The following BZW2 variants were observed in gnomAD, a reference collection of about 807,000 sequenced individuals.
BZW2 encodes eIF5-mimic protein 1.
BZW2 carries 23 observed loss-of-function variants against 53.2 expected under a neutral mutation model. The ratio of observed to expected loss-of-function variants is 0.43; its 90% CI spans 0.31 to 0.61. The LOEUF (loss-of-function observed/expected upper bound fraction) is 0.61. BZW2 is among the 20% of genes least tolerant of loss of function. BZW2 has a pLI of 0.09. For missense variants in BZW2, 409 were observed against 503.1 expected (o/e 0.81, Z 1.79); for synonymous variants, 227 against 186.4 (o/e 1.22, Z -1.77).
chr7:16,705,412 A>G (rs142753299), intron 11 of BZW2, among the ~76,000 whole-genome samples: 275 of 151,696 alleles, frequency 1.8e-3, no homozygotes, highest in Middle Eastern at 3.4e-3. Context: ...CAGGCCAGGC[A>G]CGGTGGCTCA....
chr7:16,695,516 G>A (rs1229453627), intron 8 of BZW2, among the ~76,000 whole-genome samples: 1 of 152,158 alleles, frequency 6.6e-6, no homozygotes, highest in Non-Finnish European at 1.5e-5. Context: ...CTCACACTTG[G>A]AAGAGCTGTG....
intron 7 of BZW2, among the ~76,000 whole-genome samples, chr7:16,692,221 G>A (rs1783330864): frequency 6.6e-6 from 1 of 151,870 alleles, no homozygotes; most frequent in African/African-American, 2.4e-5. Context: ...GAGAGGTGAG[G>A]GGATGGGAGA....
Position 16,689,748 on chromosome 7 carries a change from A to G in BZW2, c.542-49A>G, listed in dbSNP as rs757022539. ...CCTGGTTGCTTTGCACACCATCACA[A>G]TTGGTTTTGCTCGTAAAAGGAATGA... On this transcript the variant is annotated intron_variant, in intron 6 of 11. Transcript: ENST00000258761. 3.3e-6 allele frequency: 5 copies of G among 1,502,338 alleles called. 1 individual carries two copies. The highest frequency in any genetic ancestry group is 1.8e-6 in the Non-Finnish European group (2 of 1,098,858). 93.1% of individuals were successfully genotyped at this position (1,502,338 alleles called of 1,614,324 possible).
intron 6 of BZW2, chr7:16,687,580 G>A (rs1255888324): frequency 6.6e-6 from 1 of 151,960 alleles, no homozygotes; most frequent in Non-Finnish European, 1.5e-5. Flanking sequence ...AACTAGCCAG[G>A]TGTGTTGGCA....
At chr7:16,665,800 T>C (rs986417558) in intron 2 of BZW2, among the ~76,000 whole-genome samples, 2 of 152,240 alleles carry the variant, frequency 1.3e-5, no homozygotes, top group African/African-American at 2.4e-5. Context: ...GACATTAGCA[T>C]TGTATTTGGT....
chr7:16,659,157 G>T (rs995632458), intron 1 of BZW2, among the ~76,000 whole-genome samples: 23 of 151,994 alleles, frequency 1.5e-4, no homozygotes, highest in African/African-American at 5.1e-4. Flanking sequence ...TTCCAGTGAA[G>T]AACTTTAATG....
At chr7:16,697,913 T>C in intron 9 of BZW2, 135 bp from the exon 10 acceptor site, 1 of 1,078,382 alleles carries the variant, frequency 9.3e-7, no homozygotes, top group Non-Finnish European at 1.3e-6. Context: ...TTGGGCACAA[T>C]ATGATGATAA....
At chr7:16,671,253 A>G (rs890407093) in intron 2 of BZW2, among the ~76,000 whole-genome samples, 13 of 152,128 alleles carry the variant, frequency 8.5e-5, no homozygotes, top group African/African-American at 3.1e-4. Flanking sequence ...CAGCTACACC[A>G]ATGTTTAGGG....
intron 2 of BZW2, among the ~76,000 whole-genome samples, chr7:16,665,801 T>C (rs1215996682): frequency 1.3e-5 from 2 of 152,212 alleles, no homozygotes; most frequent in Non-Finnish European, 2.9e-5. Context: ...ACATTAGCAT[T>C]GTATTTGGTT....
intron 1 of BZW2, among the ~76,000 whole-genome samples, chr7:16,664,892 A>G (rs1419070678): frequency 1.3e-5 from 2 of 152,242 alleles, no homozygotes; most frequent in African/African-American, 4.8e-5. Context: ...AAAGTATTTC[A>G]TGGAGTTTAA....
intron 1 of BZW2, among the ~76,000 whole-genome samples, chr7:16,657,902 C>T (rs531247155): frequency 1.3e-5 from 2 of 152,114 alleles, no homozygotes; most frequent in African/African-American, 2.4e-5. Flanking sequence ...AGGGTCTTAA[C>T]GTATCGAGAG....
intron 1 of BZW2, among the ~76,000 whole-genome samples, chr7:16,659,288 G>C (rs557144406): frequency 6.1e-4 from 93 of 151,990 alleles, no homozygotes; most frequent in African/African-American, 2.1e-3. Context: ...AACTTTCATA[G>C]TATTTGTTAG....
At position 16,674,710 on chromosome 7, in the gene BZW2, G is replaced by A. The variant is rs1782716058; in HGVS notation, c.235+122G>A. 1.1e-5 allele frequency: 10 copies of A among 891,386 alleles called. No homozygotes were observed. In the South Asian group the frequency reaches 3.5e-4, roughly 31 times the overall value. The allele number at this position is 891,386 out of a possible 1,614,324, so 55.2% of individuals were successfully genotyped here. On this transcript the variant is annotated intron_variant, in intron 3 of 11. Transcript: ENST00000258761. ...TATTAGAGTTAATAAAAATACAAAT[G>A]GAAGCCTATAATTTTACCTGGTTTA...
intron 1 of BZW2, among the ~76,000 whole-genome samples, chr7:16,652,726 T>A (rs1782017507): frequency 6.6e-6 from 1 of 152,106 alleles, no homozygotes; most frequent in Admixed American, 6.6e-5. Flanking sequence ...GGTTTCACCA[T>A]GTTGGCCAGG....
chr7:16,661,054 C>T (rs1474692060), intron 1 of BZW2, among the ~76,000 whole-genome samples: 1 of 151,936 alleles, frequency 6.6e-6, no homozygotes, highest in Non-Finnish European at 1.5e-5. Context: ...TGTTGTGTTC[C>T]CTGCTTTAGA....
chr7:16,681,455 C>T (rs375738109), intron 4 of BZW2, 51 bp downstream of exon 4: 4 of 1,451,420 alleles, frequency 2.8e-6, no homozygotes, highest in Non-Finnish European at 3.8e-6. Context: ...GAGGAAAACT[C>T]TATAGAAGCT....
intron 11 of BZW2, among the ~76,000 whole-genome samples, 184 bp from the exon 12 acceptor site, chr7:16,705,876 G>C (rs892339175): frequency 6.6e-6 from 1 of 151,690 alleles, no homozygotes; most frequent in Non-Finnish European, 1.5e-5. Flanking sequence ...CAAAATTTAC[G>C]TGAAAGCAGA....
intron 2 of BZW2, among the ~76,000 whole-genome samples, chr7:16,670,193 C>G (rs906797128): frequency 1.3e-5 from 2 of 152,166 alleles, no homozygotes; most frequent in African/African-American, 4.8e-5. Flanking sequence ...TCATTTTGAC[C>G]TACCACCCTT....
chr7:16,659,504 A>T (rs746127032), intron 1 of BZW2, among the ~76,000 whole-genome samples: 1 of 152,192 alleles, frequency 6.6e-6, no homozygotes, highest in Admixed American at 6.5e-5. Flanking sequence ...TTTGGAGAGA[A>T]TGATAATACA....
Sources: gnomAD v4.1 joint callset for allele counts (sites outside exome capture counted in the v4.1 genomes callset) on GRCh38, gnomAD v4.1.1 for gene constraint, MANE v1.5 for transcripts, NCBI Gene and HGNC (gene_info 2026-07-23, HGNC 2026-07-21) for gene names.